IGSF3: variants seen among roughly 807,000 people sequenced by gnomAD.
The protein encoded by IGSF3 is glu-Trp-Ile EWI motif-containing protein 3.
In IGSF3, 23 loss-of-function variants were observed where a neutral mutation model predicts 114.4. That is an observed-to-expected ratio of 0.20 (90% confidence interval 0.14 to 0.28). IGSF3 has a LOEUF of 0.28. Among genes scored for constraint, IGSF3 ranks in the 10% least tolerant of loss-of-function variants. IGSF3 has a pLI of 1.00. For missense variants in IGSF3, 1,172 were observed against 1,591.5 expected, an observed-to-expected ratio of 0.74 and a Z score of 4.48; for synonymous variants, 571 against 645.2, an observed-to-expected ratio of 0.88 and a Z score of 1.74.
chr1:116,577,219 A>C lies in IGSF3; in HGVS notation c.*93T>G. 7.1e-7 allele frequency: 1 copy of C among 1,404,340 alleles called. No homozygotes were observed. The highest frequency in any genetic ancestry group is 1.3e-5 in the South Asian group (1 of 74,480). 87.0% of individuals were successfully genotyped at this position (1,404,340 alleles called of 1,614,324 possible). ...GTCTGACAACTTTCCACACACATGCACCCCAGAGTTTGGGTGCTGTCAACT... is the reference window on the plus strand; with the variant it reads ...GTCTGACAACTTTCCACACACATGCCCCCCAGAGTTTGGGTGCTGTCAACT... On this transcript the variant is annotated 3_prime_UTR_variant, in exon 11 of 11. Coordinates refer to ENST00000369486, the MANE Select transcript of IGSF3 (RefSeq NM_001007237.3). The surrounding 1 kb of genome is among the most constrained non-coding windows in gnomAD (Gnocchi z 5.7).
chr1:116,609,685 A>G (rs969066631), intron 4 of IGSF3, among the ~76,000 whole-genome samples: 1 of 152,080 alleles, frequency 6.6e-6, no homozygotes, highest in African/African-American at 2.4e-5. Context: ...ATGTAGATTC[A>G]TTAGCTCTGA....
chr1:116,588,943 G>A lies in IGSF3; in HGVS notation c.2191C>T (p.Leu731=). The A allele has an allele frequency of 6.8e-6, 11 of 1,614,226 alleles. No individual in the cohort carries two copies. The highest frequency in any genetic ancestry group is 9.3e-6 in the Non-Finnish European group (11 of 1,180,046). ...KPSDADGKLI[L]KTTHNSAFEY... is the part of the protein sequence containing the mutation. ...AAGGCGGAGTTGTGGGTGGTCTTCA[G>A]GATAAGCTTGCCATCGGCATCCGAG... The change falls in exon 8 of 11, where the codon CTG becomes TTG. Residue 731 remains leucine (L), a synonymous_variant. Transcript: ENST00000369486. This position sits in a 1 kb window ranked among gnomAD's most constrained non-coding sequence, Gnocchi z 4.9.
chr1:116,577,672 C>A lies in IGSF3; in HGVS notation c.3335-110G>T. 2.1e-6 allele frequency: 2 copies of A among 947,710 alleles called. No individual in the cohort carries two copies. Among genetic ancestry groups the A allele is most frequent in the South Asian group, 1.6e-5 (1 of 63,638 alleles). The allele number at this position is 947,710 out of a possible 1,614,324, so 58.7% of individuals were successfully genotyped here. ...CAGTGGAAGCTCCTCGGTGACACTC[C>A]CACACCACCTTGTCTTTCCCCTGCT... On this transcript the variant is annotated intron_variant, in intron 10 of 10. Transcript: ENST00000369486. This position sits in a 1 kb window ranked among gnomAD's most constrained non-coding sequence, Gnocchi z 5.7.
Position 116,629,815 on chromosome 1 carries a change from A to C in IGSF3, c.44-13358T>G, listed in dbSNP as rs185600410. On this transcript the variant is annotated intron_variant, in intron 2 of 10. Transcript: ENST00000369486. The surrounding 1 kb of genome is among the most constrained non-coding windows in gnomAD (Gnocchi z 4.3). The stretch of plus-strand genomic sequence containing the variant: ...CTTTCCTAAAAACTCCTATTTTCTG[A>C]GTTATTAAACTTTCCATTCCATGTT... Among the ~76,000 whole-genome samples, 498 of 152,248 alleles carry C rather than the reference A, an allele frequency of 3.3e-3. 3 individuals carry two copies. The highest frequency in any genetic ancestry group is 0.011 in the African/African-American group (474 of 41,508).
rs983337861 is a variant in IGSF3, at chr1:116,642,189, C to T, written c.43+24095G>A. ...CATTTCATTTTTTTCCCACACACCT[C>T]GCATCTGATTTTTGATTTTTAACAT... On this transcript the variant is annotated intron_variant, in intron 2 of 10. Coordinates refer to ENST00000369486, the MANE Select transcript of IGSF3 (RefSeq NM_001007237.3). The surrounding 1 kb of genome is among the most constrained non-coding windows in gnomAD (Gnocchi z 5.4). 3.3e-4 allele frequency among the ~76,000 whole-genome samples: 50 copies of T among 152,114 alleles called. No individual in the cohort carries two copies. The highest frequency in any genetic ancestry group is 1.0e-3 in the South Asian group (5 of 4,818).
At position 116,577,932 on chromosome 1, in the gene IGSF3, C is replaced by T. The variant is rs1659421624; in HGVS notation, c.3335-370G>A. The stretch of plus-strand genomic sequence containing the variant: ...CTCCTGCATGGTTGGATTTTACATG[C>T]CCCTTTGCACTTAGTTCTGCTACAG... On this transcript the variant is annotated intron_variant, in intron 10 of 10. Transcript: ENST00000369486. This position sits in a 1 kb window ranked among gnomAD's most constrained non-coding sequence, Gnocchi z 5.7. 6.6e-6 allele frequency among the ~76,000 whole-genome samples: 1 copy of T among 152,118 alleles called. No individual in the cohort carries two copies. Among genetic ancestry groups the T allele is most frequent in the Admixed American group, 6.5e-5 (1 of 15,268 alleles).
intron 2 of IGSF3, among the ~76,000 whole-genome samples, chr1:116,656,468 T>C (rs1447619881): frequency 3.3e-5 from 5 of 151,970 alleles, no homozygotes; most frequent in Middle Eastern, 3.4e-3. Flanking sequence ...ACCCAGCTAA[T>C]TTTTTTGTAT....
rs1659516170 is a variant in IGSF3, at chr1:116,579,682, T to TCCA, written c.3043_3044insTGG (p.Glu1014_Glu1015insVal). 2 of 1,567,672 alleles carry TCCA rather than the reference T, an allele frequency of 1.3e-6. No individual in the cohort carries two copies. The highest frequency in any genetic ancestry group is 3.4e-5 in the Admixed American group (2 of 58,374). On this transcript the variant is annotated inframe_insertion, in exon 10 of 11. Coordinates refer to ENST00000369486, the MANE Select transcript of IGSF3 (RefSeq NM_001007237.3). This position sits in a 1 kb window ranked among gnomAD's most constrained non-coding sequence, Gnocchi z 6.4. ...GTCGTCGTCGTCCTCCTCCTCCTCC[T>TCCA]CCTCCCTTTCCTCTTCCTGTTCTTC... is the stretch of plus-strand genomic sequence containing the variant.
At position 116,595,252 on chromosome 1, in the gene IGSF3, A is replaced by G. The variant is rs1660295311; in HGVS notation, c.2029+4689T>C. Among the ~76,000 whole-genome samples the G allele has an allele frequency of 6.6e-6, 1 of 152,174 alleles. No individual in the cohort carries two copies. The highest frequency in any genetic ancestry group is 6.5e-5 in the Admixed American group (1 of 15,272). The stretch of plus-strand genomic sequence containing the variant: ...TAACAAGTGCCCCGGTGTTACCATG[A>G]CAACAGGCCTGAGGGATCTGGGAGG... On this transcript the variant is annotated intron_variant, in intron 7 of 10. Coordinates refer to ENST00000369486, the MANE Select transcript of IGSF3 (RefSeq NM_001007237.3). The surrounding 1 kb of genome is among the most constrained non-coding windows in gnomAD (Gnocchi z 4.2).
chr1:116,651,217 G>A lies in IGSF3; in HGVS notation c.43+15067C>T, dbSNP rs1298827731. Among the ~76,000 whole-genome samples the A allele has an allele frequency of 1.3e-5, 2 of 152,228 alleles. No individual in the cohort carries two copies. Among genetic ancestry groups the A allele is most frequent in the South Asian group, 2.1e-4 (1 of 4,832 alleles). ...GTCTCCCTACACTAAGACTTAAAGGGAAGGCTTCTTTGGCTATGCCAGTAT... is the reference window on the plus strand; with the variant it reads ...GTCTCCCTACACTAAGACTTAAAGGAAAGGCTTCTTTGGCTATGCCAGTAT... On this transcript the variant is annotated intron_variant, in intron 2 of 10. Coordinates refer to ENST00000369486, the MANE Select transcript of IGSF3 (RefSeq NM_001007237.3). The surrounding 1 kb of genome is among the most constrained non-coding windows in gnomAD (Gnocchi z 4.4).
Position 116,584,543 on chromosome 1 carries a change from G to T in IGSF3, c.2848+102C>A. 1 of 1,180,172 alleles carries T rather than the reference G, an allele frequency of 8.5e-7. No individual in the cohort carries two copies. Among genetic ancestry groups the T allele is most frequent in the Non-Finnish European group, 1.2e-6 (1 of 820,356 alleles). 73.1% of individuals were successfully genotyped at this position (1,180,172 alleles called of 1,614,324 possible). ...CATGTAGACACTCATATATTTAACTGCAAATAATTTATTAATAAACTAATT... is the reference window on the plus strand; with the variant it reads ...CATGTAGACACTCATATATTTAACTTCAAATAATTTATTAATAAACTAATT... On this transcript the variant is annotated intron_variant, in intron 9 of 10. Transcript: ENST00000369486. This position sits in a 1 kb window ranked among gnomAD's most constrained non-coding sequence, Gnocchi z 5.8.
rs531457319 is a variant in IGSF3 at position 116,579,647 on chromosome 1, GGTC to G, written c.3076_3078del (p.Asp1026del). The G allele has an allele frequency of 9.9e-4, 1,578 of 1,592,548 alleles. 2 individuals are homozygous for G. Among genetic ancestry groups the G allele is most frequent in the Non-Finnish European group, 1.1e-3 (1,262 of 1,164,622 alleles). ...CTCAGCAGGGCCGTCCGCTCTGTTG[GGTC>G]GTCGTCGTCGTCGTCGTCCTCCTCC... On this transcript the variant is annotated inframe_deletion, in exon 10 of 11. Transcript: ENST00000369486. The surrounding 1 kb of genome is among the most constrained non-coding windows in gnomAD (Gnocchi z 6.4).
rs577825890 is a variant in IGSF3, at chr1:116,634,458, C to T, written c.44-18001G>A. On this transcript the variant is annotated intron_variant, in intron 2 of 10. Coordinates refer to ENST00000369486, the MANE Select transcript of IGSF3 (RefSeq NM_001007237.3). The surrounding 1 kb of genome is among the most constrained non-coding windows in gnomAD (Gnocchi z 4.2). The stretch of plus-strand genomic sequence containing the variant: ...AGCAAGCCTGGCTTCATGCCCAGAA[C>T]ATCACCTGGCTTTCCTCCTCTCTCC... 3.9e-5 allele frequency among the ~76,000 whole-genome samples: 6 copies of T among 152,310 alleles called. No individual in the cohort carries two copies. Among genetic ancestry groups the T allele is most frequent in the African/African-American group, 1.2e-4 (5 of 41,574 alleles).
chr1:116,623,194 CA>C (rs1661473894), intron 2 of IGSF3, among the ~76,000 whole-genome samples: 1 of 152,200 alleles, frequency 6.6e-6, no homozygotes, highest in Admixed American at 6.5e-5. Context: ...CAGGAAAACA[CA>C]ACACTTGAAC....
chr1:116,643,629 G>A (rs1648210416), intron 2 of IGSF3, among the ~76,000 whole-genome samples: 1 of 152,262 alleles, frequency 6.6e-6, no homozygotes, highest in Non-Finnish European at 1.5e-5. Context: ...TGACAAGGAT[G>A]AGGAGCAGAA....
rs1649174948 is a variant in IGSF3 at position 116,662,986 on chromosome 1, GACTTCCCAAACTCTACAAATGA to G, written c.43+3276_43+3297del. Among the ~76,000 whole-genome samples the G allele has an allele frequency of 6.6e-6, 1 of 152,198 alleles. No homozygotes were observed. Among genetic ancestry groups the G allele is most frequent in the South Asian group, 2.1e-4 (1 of 4,830 alleles). The stretch of plus-strand genomic sequence containing the variant: ...TCAGCCTTACCGTATTCAAAGAAGA[GACTTCCCAAACTCTACAAATGA>G]ACTTCTCTCCCTCTGGAGCAGAACA... On this transcript the variant is annotated intron_variant, in intron 2 of 10. Transcript: ENST00000369486. This position sits in a 1 kb window ranked among gnomAD's most constrained non-coding sequence, Gnocchi z 4.3.
At chr1:116,620,634 T>A (rs1297886397) in intron 2 of IGSF3, among the ~76,000 whole-genome samples, 1 of 152,236 alleles carries the variant, frequency 6.6e-6, no homozygotes, top group East Asian at 1.9e-4. Flanking sequence ...GAAGACCACA[T>A]GAGGCCTCCT....
rs1039653824 is a variant in IGSF3 at position 116,642,671 on chromosome 1, G to A, written c.43+23613C>T. 3.9e-5 allele frequency among the ~76,000 whole-genome samples: 6 copies of A among 152,276 alleles called. No homozygotes were observed. The highest frequency in any genetic ancestry group is 1.9e-4 in the East Asian group (1 of 5,202). ...GGTTGGAACTGGGCGCTCCGAGGCT[G>A]TGGGCCGGTGTCCTGCCCTGAAGAG... is the stretch of plus-strand genomic sequence containing the variant. On this transcript the variant is annotated intron_variant, in intron 2 of 10. Transcript: ENST00000369486. This position sits in a 1 kb window ranked among gnomAD's most constrained non-coding sequence, Gnocchi z 5.4.
chr1:116,646,396 G>A (rs1648372098), intron 2 of IGSF3, among the ~76,000 whole-genome samples: 1 of 152,152 alleles, frequency 6.6e-6, no homozygotes, highest in African/African-American at 2.4e-5. Context: ...AACCTTAAAA[G>A]CCTTGGAAAC....
Sources: allele counts gnomAD v4.1 joint callset (sites outside exome capture counted in the v4.1 genomes callset), GRCh38; gene constraint gnomAD v4.1.1; non-coding constraint Gnocchi (gnomAD v3.1); transcripts MANE v1.5; gene names NCBI Gene and HGNC (gene_info 2026-07-23, HGNC 2026-07-21).